Variants in ADAM12 observed in about 807,000 individuals in gnomAD.
ADAM12 encodes disintegrin and metalloproteinase domain-containing protein 12.
Under a neutral mutation model 106.4 loss-of-function variants are expected in ADAM12, and 70 were observed. The observed-to-expected ratio is 0.66, with a 90% CI of 0.54 to 0.80. The LOEUF is 0.80. Among genes scored for constraint, ADAM12 ranks in the 30% least tolerant of loss-of-function variants. ADAM12 has a pLI of 0.00. For missense variants in ADAM12, 1,010 were observed against 1,171.9 expected (o/e 0.86, Z 2.02); for synonymous variants, 420 against 433.5 (o/e 0.97, Z 0.39).
rs183406058 is a variant in ADAM12 at position 126,254,604 on chromosome 10, C to A, written c.260+24311G>T. ...TTCCACACCCGGTCCAGGCGGGAGG[C>A]CCTTTCCTTGGCCCTCCTGAACTGC... On this transcript the variant is annotated intron_variant, in intron 3 of 22. Coordinates refer to ENST00000448723, the MANE Select transcript of ADAM12 (RefSeq NM_001288973.2). Among the ~76,000 whole-genome samples the A allele has an allele frequency of 7.8e-4, 118 of 152,250 alleles. 1 individual carries two copies. In the East Asian group the frequency reaches 0.021, roughly 27 times the overall value.
intron 3 of ADAM12, among the ~76,000 whole-genome samples, chr10:126,176,283 G>A (rs1957218695): frequency 2.0e-5 from 3 of 152,244 alleles, no homozygotes; most frequent in African/African-American, 7.2e-5. Flanking sequence ...TTGGCTCAAA[G>A]AGCTCACAGC....
chr10:126,193,699 C>G (rs1957545518), intron 3 of ADAM12, among the ~76,000 whole-genome samples: 1 of 152,096 alleles, frequency 6.6e-6, no homozygotes, highest in South Asian at 2.1e-4. Flanking sequence ...GGGTTCGAGA[C>G]CAGCCTGGCC....
At chr10:126,125,159 T>C (rs1956182497) in intron 5 of ADAM12, among the ~76,000 whole-genome samples, 1 of 151,894 alleles carries the variant, frequency 6.6e-6, no homozygotes, top group East Asian at 1.9e-4. Flanking sequence ...CCCAAAACTC[T>C]GGACCTATCA....
intron 21 of ADAM12, among the ~76,000 whole-genome samples, chr10:126,027,816 C>T (rs908609691): frequency 2.0e-5 from 3 of 152,112 alleles, no homozygotes; most frequent in Non-Finnish European, 2.9e-5. Context: ...CCTCTCTCAC[C>T]ACTCCTAGTC....
intron 3 of ADAM12, among the ~76,000 whole-genome samples, chr10:126,225,073 G>C (rs559572083): frequency 2.0e-5 from 3 of 152,356 alleles, no homozygotes; most frequent in East Asian, 3.9e-4. Context: ...GGGATCCTCT[G>C]AGCCCACTGT....
At chr10:126,296,817 T>C (rs1267155919) in intron 2 of ADAM12, among the ~76,000 whole-genome samples, 1 of 152,248 alleles carries the variant, frequency 6.6e-6, no homozygotes, top group Non-Finnish European at 1.5e-5. Flanking sequence ...GGGGATCTGC[T>C]TAGCTAGTTT....
intron 11 of ADAM12, among the ~76,000 whole-genome samples, chr10:126,081,159 G>A (rs781125861): frequency 6.6e-6 from 1 of 152,096 alleles, no homozygotes; most frequent in Admixed American, 6.5e-5. Context: ...TAATAAACAC[G>A]CACTGAGTCT....
intron 5 of ADAM12, among the ~76,000 whole-genome samples, chr10:126,135,210 C>T (rs10901531): frequency 0.23 from 34,370 of 152,198 alleles, 4,173 homozygotes; most frequent in East Asian, 0.4. Flanking sequence ...TACATTAAGC[C>T]AGCAGCTTCA....
chr10:126,195,254 C>T (rs1422139575), intron 3 of ADAM12, among the ~76,000 whole-genome samples: 2 of 152,166 alleles, frequency 1.3e-5, no homozygotes, highest in South Asian at 4.1e-4. Context: ...AGTGTTCTCA[C>T]CACATACACA....
intron 1 of ADAM12, among the ~76,000 whole-genome samples, chr10:126,357,247 A>G (rs576195486): frequency 1.3e-5 from 2 of 152,262 alleles, no homozygotes; most frequent in East Asian, 1.9e-4. Flanking sequence ...AAGTCTCAAT[A>G]TGACTATCAG....
intron 21 of ADAM12, among the ~76,000 whole-genome samples, chr10:126,029,925 G>A (rs1953945019): frequency 6.6e-6 from 1 of 152,168 alleles, no homozygotes; most frequent in African/African-American, 2.4e-5. Flanking sequence ...TCCTTTAAAG[G>A]CAGCTTCACT....
At chr10:126,247,553 T>A (rs1958654468) in intron 3 of ADAM12, among the ~76,000 whole-genome samples, 1 of 152,128 alleles carries the variant, frequency 6.6e-6, no homozygotes, top group Non-Finnish European at 1.5e-5. Context: ...CCCGGCTCAG[T>A]CCTGAGAAAC....
intron 3 of ADAM12, among the ~76,000 whole-genome samples, chr10:126,215,955 C>CA (rs1957980212): frequency 1.3e-5 from 2 of 152,182 alleles, no homozygotes. Flanking sequence ...TCCTTGAAGA[C>CA]ATCTGTATTA....
intron 2 of ADAM12, among the ~76,000 whole-genome samples, chr10:126,297,441 C>T (rs2133792233): frequency 6.6e-6 from 1 of 152,236 alleles, no homozygotes; most frequent in African/African-American, 2.4e-5. Flanking sequence ...CTCGGCTACT[C>T]AGGAGGCTGA....
intron 5 of ADAM12, among the ~76,000 whole-genome samples, chr10:126,119,223 G>A (rs149762747): frequency 4.9e-4 from 75 of 152,252 alleles, no homozygotes; most frequent in African/African-American, 1.7e-3. Flanking sequence ...CGCTGCAAGG[G>A]TGGCCTCTGG....
chr10:126,015,391 A>G lies in ADAM12; in HGVS notation c.*1888T>C, dbSNP rs1238658869. The G allele has an allele frequency of 2.6e-5, 4 of 152,254 alleles. No individual in the cohort carries two copies. In the East Asian group the frequency reaches 7.7e-4, roughly 29 times the overall value. The allele number at this position is 152,254 out of a possible 1,614,324, so 9.4% of individuals were successfully genotyped here. ...ATTCTGTAAACCTTTTTAATAGTAT[A>G]TATATGTTTGGCTTTAGTACAATTA... On this transcript the variant is annotated 3_prime_UTR_variant, in exon 23 of 23. Coordinates refer to ENST00000448723, the MANE Select transcript of ADAM12 (RefSeq NM_001288973.2).
chr10:126,171,043 T>C (rs1227521912), intron 3 of ADAM12, among the ~76,000 whole-genome samples: 1 of 152,228 alleles, frequency 6.6e-6, no homozygotes, highest in Non-Finnish European at 1.5e-5. Flanking sequence ...AGCTGGGCCT[T>C]TGAACTATTT....
At chr10:126,109,944 C>T (rs1311026306) in intron 6 of ADAM12, 104 bp from the exon 7 acceptor site, 2 of 1,070,932 alleles carry the variant, frequency 1.9e-6, no homozygotes, top group Non-Finnish European at 2.7e-6. Flanking sequence ...TGTATATCCC[C>T]CATCCCCGCC....
intron 1 of ADAM12, among the ~76,000 whole-genome samples, chr10:126,337,902 A>T (rs1271615543): frequency 6.6e-6 from 1 of 152,106 alleles, no homozygotes; most frequent in Non-Finnish European, 1.5e-5. Context: ...TAACTGGCAC[A>T]TTATTACTTT....
Sources: allele counts gnomAD v4.1 joint callset (sites outside exome capture counted in the v4.1 genomes callset), GRCh38; gene constraint gnomAD v4.1.1; transcripts MANE v1.5; gene names NCBI Gene and HGNC (gene_info 2026-07-23, HGNC 2026-07-21).